TTBK2: variants seen among roughly 807,000 people sequenced by gnomAD.
TTBK2 encodes the protein tau tubulin kinase 2, also known as tau-tubulin kinase 2.
In TTBK2, 28 loss-of-function variants were observed where a neutral mutation model predicts 110.8. The ratio of observed to expected loss-of-function variants is 0.25; its 90% CI spans 0.19 to 0.35. The LOEUF (loss-of-function observed/expected upper bound fraction) is 0.35. Ranked by LOEUF, TTBK2 falls within the 10% of genes least tolerant of loss-of-function variation. The pLI is 1.00. For missense variants in TTBK2, 1,369 were observed against 1,500.3 expected, an observed-to-expected ratio of 0.91 and a Z score of 1.45; for synonymous variants, 532 against 527.3, an observed-to-expected ratio of 1.01 and a Z score of -0.12.
chr15:42,904,639 CAT>C (rs1445220015), intron 1 of TTBK2, among the ~76,000 whole-genome samples: 7 of 152,158 alleles, frequency 4.6e-5, no homozygotes, highest in Non-Finnish European at 7.4e-5. Context: ...TGTAGAATAA[CAT>C]GTGGTGAAAA....
chr15:42,872,592 T>C lies in TTBK2; in HGVS notation c.217+19A>G. 1 of 1,613,192 alleles carries C rather than the reference T, an allele frequency of 6.2e-7. No homozygotes were observed. Among genetic ancestry groups the C allele is most frequent in the Non-Finnish European group, 8.5e-7 (1 of 1,179,236 alleles). ...ATTAACATACAAATCATAAATTGTATATTCTACAAAGGGCTTACCTTGCAG... is the reference window on the plus strand; with the variant it reads ...ATTAACATACAAATCATAAATTGTACATTCTACAAAGGGCTTACCTTGCAG... On this transcript the variant is annotated intron_variant, in intron 3 of 14. Coordinates refer to ENST00000267890, the MANE Select transcript of TTBK2 (RefSeq NM_173500.4).
intron 6 of TTBK2, among the ~76,000 whole-genome samples, chr15:42,825,655 C>T (rs1287824129): frequency 1.3e-5 from 2 of 152,146 alleles, no homozygotes; most frequent in African/African-American, 2.4e-5. Context: ...GCGGAGGTAG[C>T]AGTGAGTCGA....
At position 42,776,856 on chromosome 15, in the gene TTBK2, A is replaced by G. The variant is rs1333970915; in HGVS notation, c.1409+175T>C. 9.1e-6 allele frequency: 6 copies of G among 656,742 alleles called. No homozygotes were observed. The East Asian group carries it at 1.1e-4, about 12-fold the overall frequency. 40.7% of individuals were successfully genotyped at this position (656,742 alleles called of 1,614,324 possible). On this transcript the variant is annotated intron_variant, in intron 12 of 14. Coordinates refer to ENST00000267890, the MANE Select transcript of TTBK2 (RefSeq NM_173500.4). Reference sequence around the variant, plus strand: ...ATAATAATTAAGAATCAGGATAATAATAATTAAAAACATGGATGAAAATTG... The same window carrying G: ...ATAATAATTAAGAATCAGGATAATAGTAATTAAAAACATGGATGAAAATTG...
intron 1 of TTBK2, among the ~76,000 whole-genome samples, chr15:42,901,293 C>T (rs1489561935): frequency 6.6e-6 from 1 of 151,188 alleles, no homozygotes; most frequent in Non-Finnish European, 1.5e-5. Context: ...CCCTGGGAGG[C>T]GGAGGTTGCA....
At chr15:42,759,166 T>C (rs1039864000) in intron 13 of TTBK2, among the ~76,000 whole-genome samples, 19 of 152,240 alleles carry the variant, frequency 1.2e-4, no homozygotes, top group Admixed American at 2.6e-4. Flanking sequence ...ATTTGAGTCC[T>C]GCACAGCAGG....
chr15:42,898,444 C>G (rs1895755298), intron 1 of TTBK2, among the ~76,000 whole-genome samples: 1 of 150,538 alleles, frequency 6.6e-6, no homozygotes, highest in Admixed American at 6.7e-5. Context: ...ACTCGGGAGG[C>G]AGAGGTTGCA....
chr15:42,787,141 T>C (rs1455596078), intron 10 of TTBK2, among the ~76,000 whole-genome samples: 1 of 152,186 alleles, frequency 6.6e-6, no homozygotes, highest in African/African-American at 2.4e-5. Flanking sequence ...TTTTTTTTAA[T>C]AGACTTATTG....
chr15:42,848,919 T>A (rs1247720520), intron 3 of TTBK2, among the ~76,000 whole-genome samples: 1 of 152,264 alleles, frequency 6.6e-6, no homozygotes, highest in East Asian at 1.9e-4. Context: ...TGTGGCCTGA[T>A]CTTGTATCAC....
intron 13 of TTBK2, among the ~76,000 whole-genome samples, chr15:42,764,722 A>G (rs1486509563): frequency 6.6e-6 from 1 of 152,332 alleles, no homozygotes; most frequent in East Asian, 1.9e-4. Flanking sequence ...GCAAACTTAA[A>G]CGTCCCTGTC....
At chr15:42,772,008 G>A (rs1889699632) in intron 13 of TTBK2, among the ~76,000 whole-genome samples, 1 of 152,128 alleles carries the variant, frequency 6.6e-6, no homozygotes, top group East Asian at 1.9e-4. Flanking sequence ...ATTCTGTAAA[G>A]TATAAACGTA....
intron 1 of TTBK2, among the ~76,000 whole-genome samples, chr15:42,902,246 C>T (rs1196926563): frequency 2.0e-5 from 3 of 147,654 alleles, no homozygotes; most frequent in African/African-American, 5.0e-5. Context: ...CACCGCCAGG[C>T]GCGGTTGCTC....
chr15:42,764,691 C>T (rs1889274638), intron 13 of TTBK2, among the ~76,000 whole-genome samples: 2 of 152,232 alleles, frequency 1.3e-5, no homozygotes, highest in African/African-American at 4.8e-5. Context: ...CATAGCTGAA[C>T]AAAAGGCAGC....
At chr15:42,805,657 T>A (rs1247105076) in intron 9 of TTBK2, among the ~76,000 whole-genome samples, 3 of 152,194 alleles carry the variant, frequency 2.0e-5, no homozygotes, top group African/African-American at 7.2e-5. Flanking sequence ...GCCATCATCA[T>A]CTTGCCTCCT....
At chr15:42,801,717 G>C (rs368084096) in intron 9 of TTBK2, 1 of 865,262 alleles carries the variant, frequency 1.2e-6, no homozygotes, top group African/African-American at 1.6e-5. Context: ...TGCAGCTCCC[G>C]ATCTCCTCTT....
intron 12 of TTBK2, 179 bp downstream of exon 12, chr15:42,776,852 A>G: frequency 1.5e-6 from 1 of 648,568 alleles, no homozygotes; most frequent in Non-Finnish European, 2.6e-6. Flanking sequence ...GAATCAGGAT[A>G]ATAATAATTA....
chr15:42,748,235 T>C (rs1181226708), intron 14 of TTBK2, among the ~76,000 whole-genome samples: 1 of 152,118 alleles, frequency 6.6e-6, no homozygotes, highest in Non-Finnish European at 1.5e-5. Context: ...GGTGGGTGGA[T>C]AGCTTGAGGT....
chr15:42,798,319 C>T (rs905537574), intron 9 of TTBK2: 2 of 455,982 alleles, frequency 4.4e-6, no homozygotes, highest in African/African-American at 4.0e-5. Context: ...AAAATGATTC[C>T]AACGCTTCCC....
intron 3 of TTBK2, among the ~76,000 whole-genome samples, chr15:42,866,856 T>A (rs1894390039): frequency 6.6e-6 from 1 of 152,126 alleles, no homozygotes; most frequent in Non-Finnish European, 1.5e-5. Flanking sequence ...TTTAAACTAT[T>A]TCACACTAAA....
chr15:42,869,755 C>T (rs908278250), intron 3 of TTBK2, among the ~76,000 whole-genome samples: 5 of 151,976 alleles, frequency 3.3e-5, no homozygotes. Context: ...TAGGGCTATA[C>T]TTATTAGGAA....
Sources: allele counts gnomAD v4.1 joint callset (sites outside exome capture counted in the v4.1 genomes callset), GRCh38; gene constraint gnomAD v4.1.1; transcripts MANE v1.5; gene names NCBI Gene and HGNC (gene_info 2026-07-23, HGNC 2026-07-21).